RARB: variants seen among roughly 807,000 people sequenced by gnomAD.
RARB encodes the protein HBV-activated protein.
In RARB, 17 loss-of-function variants were observed where a neutral mutation model predicts 51.9. The observed-to-expected ratio is 0.33, with a 90% confidence interval of 0.22 to 0.49. The LOEUF (loss-of-function observed/expected upper bound fraction) is 0.49, where lower values mean the gene tolerates loss of function less well. RARB is among the 20% of genes least tolerant of loss of function. The pLI, the probability that RARB is intolerant of heterozygous loss-of-function variation, is 0.99. For synonymous variants in RARB, 215 were observed against 195.4 expected (o/e 1.10, Z -0.84); for missense variants, 369 against 550.8 (o/e 0.67, Z 3.30).
intron 2 of RARB, among the ~76,000 whole-genome samples, chr3:24,942,194 G>T (rs1473055038): frequency 6.6e-6 from 1 of 152,174 alleles, no homozygotes; most frequent in Admixed American, 6.5e-5. Context: ...TTCAACTAAA[G>T]ATTCACTTAT....
intron 3 of RARB, among the ~76,000 whole-genome samples, chr3:25,567,162 A>G (rs1181453287): frequency 6.6e-6 from 1 of 152,212 alleles, no homozygotes; most frequent in Non-Finnish European, 1.5e-5. Flanking sequence ...TAATTCACGT[A>G]GCATAACATT....
rs1329965425 is a variant in RARB at position 24,999,885 on chromosome 3, G to A, written c.-379-60240G>A. Reference sequence around the variant, plus strand: ...CCCAGACAACTCCAGGATTACCACTGTTTTTTATAGCCTTTGATGCAAGGT... The same window carrying A: ...CCCAGACAACTCCAGGATTACCACTATTTTTTATAGCCTTTGATGCAAGGT... On this transcript the variant is annotated intron_variant, in intron 2 of 11. Coordinates refer to the RARB transcript ENST00000383772. 2.0e-5 allele frequency among the ~76,000 whole-genome samples: 3 copies of A among 152,136 alleles called. No homozygotes were observed. The East Asian group carries it at 5.8e-4, about 29-fold the overall frequency.
At chr3:24,856,810 G>A (rs1209768122) in intron 1 of RARB, among the ~76,000 whole-genome samples, 1 of 152,172 alleles carries the variant, frequency 6.6e-6, no homozygotes, top group African/African-American at 2.4e-5. Flanking sequence ...GACATAGTCT[G>A]AGGCAATACT....
At chr3:25,234,676 G>A (rs371384927) in intron 5 of RARB, among the ~76,000 whole-genome samples, 1 of 151,774 alleles carries the variant, frequency 6.6e-6, no homozygotes, top group African/African-American at 2.4e-5. Context: ...GTCCCAAATA[G>A]TTCCCTTTTC....
intron 2 of RARB, among the ~76,000 whole-genome samples, chr3:24,941,790 A>G (rs1343275261): frequency 6.6e-6 from 1 of 152,248 alleles, no homozygotes; most frequent in Non-Finnish European, 1.5e-5. Flanking sequence ...TATTGAATCC[A>G]GATTCCATCT....
chr3:25,482,427 GCA>G (rs980164766), intron 2 of RARB, among the ~76,000 whole-genome samples: 2 of 149,798 alleles, frequency 1.3e-5, no homozygotes, highest in Non-Finnish European at 2.9e-5. Context: ...AGGCATCACT[GCA>G]TTTAGAACCC....
chr3:25,325,274 C>T (rs1178559549), intron 5 of RARB, among the ~76,000 whole-genome samples: 3 of 152,022 alleles, frequency 2.0e-5, no homozygotes, highest in East Asian at 1.9e-4. Context: ...TTATAATTTG[C>T]GTGTAATGAG....
At chr3:24,924,762 G>A (rs1204118354) in intron 2 of RARB, among the ~76,000 whole-genome samples, 1 of 152,086 alleles carries the variant, frequency 6.6e-6, no homozygotes, top group Non-Finnish European at 1.5e-5. Flanking sequence ...GGCATGATCT[G>A]CAGGGCCCGA....
chr3:25,259,045 C>G (rs577650255), intron 5 of RARB: 822 of 985,188 alleles, frequency 8.3e-4, no homozygotes, highest in Non-Finnish European at 8.9e-4. Context: ...TAGGCAGGAA[C>G]CAGGAATGTG....
chr3:24,902,261 G>T (rs1433914040), intron 2 of RARB, among the ~76,000 whole-genome samples: 1 of 152,040 alleles, frequency 6.6e-6, no homozygotes, highest in East Asian at 1.9e-4. Flanking sequence ...TTATATTTCC[G>T]CTAGGTTAAG....
intron 2 of RARB, among the ~76,000 whole-genome samples, chr3:24,951,709 G>C (rs1338236371): frequency 1.3e-5 from 2 of 152,174 alleles, no homozygotes; most frequent in African/African-American, 4.8e-5. Context: ...TAGTTGATAG[G>C]AAACCAATGC....
rs1242400290 is a variant in RARB, at chr3:25,109,753, C to CTTCTTCATTCAGGCAGCAGCAGTTTGT, written c.-327-22404_-327-22378dup. Among the ~76,000 whole-genome samples the CTTCTTCATTCAGGCAGCAGCAGTTTGT allele has an allele frequency of 1.1e-4, 17 of 152,238 alleles. 1 individual carries two copies. The South Asian group carries it at 3.5e-3, about 32-fold the overall frequency. On this transcript the variant is annotated intron_variant, in intron 3 of 11. Transcript: ENST00000383772. ...TTCCGTGAGCGTTACGTCAGCCATG[C>CTTCTTCATTCAGGCAGCAGCAGTTTGT]TTCTTCATTCAGGCAGCAGCAGTTT... is the stretch of plus-strand genomic sequence containing the variant.
chr3:24,859,986 A>G (rs1360923112), intron 2 of RARB, among the ~76,000 whole-genome samples: 1 of 152,204 alleles, frequency 6.6e-6, no homozygotes, highest in Non-Finnish European at 1.5e-5. Context: ...AATGGGTGGA[A>G]GGATGGATTT....
upstream of RARB, among the ~76,000 whole-genome samples, chr3:25,423,452 A>C (rs1559394510): frequency 1.3e-5 from 2 of 152,234 alleles, no homozygotes; most frequent in Admixed American, 1.3e-4. Flanking sequence ...CTAAATTTAA[A>C]AGTGTTGCAG....
chr3:24,941,091 C>T (rs1044111249), intron 2 of RARB, among the ~76,000 whole-genome samples: 4 of 151,858 alleles, frequency 2.6e-5, no homozygotes, highest in South Asian at 2.1e-4. Flanking sequence ...ATTGCTGATA[C>T]TTTAATTTAG....
chr3:25,567,485 C>A (rs1700543999), intron 3 of RARB, among the ~76,000 whole-genome samples: 1 of 152,148 alleles, frequency 6.6e-6, no homozygotes, highest in Admixed American at 6.5e-5. Flanking sequence ...ATAATTCATT[C>A]CTTTCTATGA....
chr3:25,042,223 A>T (rs924552976), intron 2 of RARB, among the ~76,000 whole-genome samples: 18 of 152,168 alleles, frequency 1.2e-4, no homozygotes, highest in African/African-American at 4.3e-4. Context: ...ACTATTTTTA[A>T]AATTTTGTAT....
intron 5 of RARB, among the ~76,000 whole-genome samples, chr3:25,365,462 C>G (rs753853148): frequency 1.3e-5 from 2 of 152,000 alleles, no homozygotes; most frequent in Non-Finnish European, 2.9e-5. Flanking sequence ...GTTCTATGTT[C>G]CAGTTACAAT....
chr3:25,466,202 G>C (rs1482061003), intron 2 of RARB, among the ~76,000 whole-genome samples: 1 of 152,034 alleles, frequency 6.6e-6, no homozygotes, highest in East Asian at 1.9e-4. Flanking sequence ...TTTTGTTTTT[G>C]TTGAGACGGA....
Sources: gnomAD v4.1 joint callset for allele counts (sites outside exome capture counted in the v4.1 genomes callset) on GRCh38, gnomAD v4.1.1 for gene constraint, MANE v1.5 for transcripts, NCBI Gene and HGNC (gene_info 2026-07-23, HGNC 2026-07-21) for gene names.